ADAM10: variants seen among roughly 807,000 people sequenced by gnomAD.
The protein encoded by ADAM10 is disintegrin and metalloproteinase domain-containing protein 10.
In ADAM10, 17 loss-of-function variants were observed where a neutral mutation model predicts 90.1. The observed-to-expected ratio is 0.19, with a 90% confidence interval of 0.13 to 0.28. The LOEUF (loss-of-function observed/expected upper bound fraction) is 0.28, where lower values mean the gene tolerates loss of function less well. ADAM10 is among the 10% of genes least tolerant of loss of function. The pLI is 1.00. For missense variants in ADAM10, 610 were observed against 914.3 expected (o/e 0.67, Z 4.29); for synonymous variants, 310 against 298.6 (o/e 1.04, Z -0.40).
chr15:58,705,102 TTTGA>T (rs1352549478), intron 2 of ADAM10, among the ~76,000 whole-genome samples: 1 of 152,228 alleles, frequency 6.6e-6, no homozygotes, highest in Non-Finnish European at 1.5e-5. Flanking sequence ...AAAAACTCTC[TTTGA>T]TTTTTAATGC....
At chr15:58,698,519 T>G (rs1323323727) in intron 2 of ADAM10, 1 of 209,346 alleles carries the variant, frequency 4.8e-6, no homozygotes, top group Non-Finnish European at 9.6e-6. Flanking sequence ...GAGGTTGCAG[T>G]GAGCCAAGAT....
At position 58,591,666 on chromosome 15, in the gene ADAM10, TC is replaced by T. The variant is rs1410485634; in HGVS notation, c.*5880del. 17 of 152,306 alleles carry T rather than the reference TC, an allele frequency of 1.1e-4. No homozygotes were observed. Among genetic ancestry groups the T allele is most frequent in the Admixed American group, 9.8e-4 (15 of 15,300 alleles). 9.4% of individuals were successfully genotyped at this position (152,306 alleles called of 1,614,324 possible). A position where few individuals can be genotyped will look rare whatever the true frequency, so the allele number is the denominator to read the frequency against. ...TCACCCAGCTTCAATAATTATCAAC[TC>T]ACAGCCAATCTTGTTTCAACTATAT... is the stretch of plus-strand genomic sequence containing the variant. On this transcript the variant is annotated 3_prime_UTR_variant, in exon 16 of 16. Transcript: ENST00000260408.
intron 1 of ADAM10, among the ~76,000 whole-genome samples, chr15:58,739,050 C>T (rs1165259202): frequency 1.3e-5 from 2 of 152,076 alleles, no homozygotes; most frequent in African/African-American, 4.8e-5. Context: ...CGCCACTGCC[C>T]CTAGCTGAGA....
At chr15:58,601,956 T>A (rs1375599839) in intron 14 of ADAM10, among the ~76,000 whole-genome samples, 1 of 152,206 alleles carries the variant, frequency 6.6e-6, no homozygotes, top group African/African-American at 2.4e-5. Context: ...GTGATTTTTA[T>A]TTCATTACTG....
At chr15:58,691,977 G>A (rs1897825168) in intron 2 of ADAM10, 5 of 438,350 alleles carry the variant, frequency 1.1e-5, no homozygotes, top group South Asian at 6.6e-5. Context: ...TGCCCAGCCG[G>A]CATTTCTTAA....
intron 2 of ADAM10, among the ~76,000 whole-genome samples, chr15:58,717,312 T>G (rs1177290963): frequency 2.0e-5 from 3 of 152,222 alleles, no homozygotes; most frequent in Non-Finnish European, 4.4e-5. Context: ...ACACAGAATC[T>G]TCTTTAAAGA....
chr15:58,701,021 AC>A (rs377330156), intron 2 of ADAM10, among the ~76,000 whole-genome samples: 40,335 of 119,258 alleles, frequency 0.34, 8,493 homozygotes, highest in Non-Finnish European at 0.48. Context: ...AAACAAAAAA[AC>A]AAAAAAAAAA....
intron 2 of ADAM10, among the ~76,000 whole-genome samples, chr15:58,702,271 A>G (rs1898157503): frequency 6.6e-6 from 1 of 152,184 alleles, no homozygotes; most frequent in Non-Finnish European, 1.5e-5. Context: ...AGACAGCAGA[A>G]TGATAGATAC....
chr15:58,693,582 A>C (rs1378417155), intron 2 of ADAM10, among the ~76,000 whole-genome samples: 2 of 152,204 alleles, frequency 1.3e-5, no homozygotes, highest in East Asian at 3.8e-4. Flanking sequence ...AGAAAAATTA[A>C]ATTGAATTGC....
intron 1 of ADAM10, among the ~76,000 whole-genome samples, chr15:58,719,453 T>C (rs1318609935): frequency 4.6e-5 from 7 of 151,700 alleles, no homozygotes; most frequent in Non-Finnish European, 1.5e-5. Context: ...CTTTGACAAA[T>C]CAAGTAAAAT....
intron 2 of ADAM10, among the ~76,000 whole-genome samples, chr15:58,688,097 T>C (rs879617709): frequency 6.6e-6 from 1 of 152,232 alleles, no homozygotes; most frequent in African/African-American, 2.4e-5. Flanking sequence ...ATTGTACCAA[T>C]ATCAATCTTG....
Position 58,592,769 on chromosome 15 carries a change from ATATT to A in ADAM10, c.*4774_*4777del, listed in dbSNP as rs1894850640. 1 of 150,062 alleles carries A rather than the reference ATATT, an allele frequency of 6.7e-6. No individual in the cohort carries two copies. The highest frequency in any genetic ancestry group is 2.4e-5 in the African/African-American group (1 of 41,094). The allele number at this position is 150,062 out of a possible 1,614,324, so 9.3% of individuals were successfully genotyped here. The stretch of plus-strand genomic sequence containing the variant: ...TCTGATTTAATATATATATATATAT[ATATT>A]AAATCGTGGTAGTATAACTTGGTAC... On this transcript the variant is annotated 3_prime_UTR_variant, in exon 16 of 16. Coordinates refer to ENST00000260408, the MANE Select transcript of ADAM10 (RefSeq NM_001110.4).
chr15:58,604,072 C>T (rs765981226), intron 14 of ADAM10, among the ~76,000 whole-genome samples: 7 of 152,098 alleles, frequency 4.6e-5, no homozygotes, highest in Non-Finnish European at 5.9e-5. Flanking sequence ...TTCTTAAGAA[C>T]TTAGCTTGGC....
chr15:58,711,681 T>C (rs1898477003), intron 2 of ADAM10, among the ~76,000 whole-genome samples: 2 of 152,126 alleles, frequency 1.3e-5, no homozygotes, highest in East Asian at 3.8e-4. Context: ...ACAAGATGCC[T>C]ACCCCAAAGT....
At position 58,646,044 on chromosome 15, in the gene ADAM10, A is replaced by G. The variant is rs1365305771; in HGVS notation, c.735+11T>C. The stretch of plus-strand genomic sequence containing the variant: ...ATGGGAACTACTAAAATAGCGCATA[A>G]TCATAAATACCTGGGCAATCACAGC... On this transcript the variant is annotated intron_variant, in intron 6 of 15. Transcript: ENST00000260408. 1.2e-5 allele frequency: 19 copies of G among 1,613,058 alleles called. No individual in the cohort carries two copies. Among genetic ancestry groups the G allele is most frequent in the Non-Finnish European group, 1.5e-5 (18 of 1,179,520 alleles).
intron 14 of ADAM10, among the ~76,000 whole-genome samples, chr15:58,607,683 C>G (rs1320186878): frequency 6.6e-6 from 1 of 151,830 alleles, no homozygotes; most frequent in African/African-American, 2.4e-5. Flanking sequence ...GATAAATTAG[C>G]AATACAAAAA....
intron 1 of ADAM10, among the ~76,000 whole-genome samples, chr15:58,729,773 G>A (rs1039206049): frequency 1.3e-5 from 2 of 152,080 alleles, no homozygotes; most frequent in Admixed American, 1.3e-4. Context: ...AGACAGCCTG[G>A]CCAACATGGC....
intron 11 of ADAM10, among the ~76,000 whole-genome samples, chr15:58,614,781 A>G (rs1223242198): frequency 9.9e-5 from 15 of 152,226 alleles, no homozygotes; most frequent in Admixed American, 9.2e-4. Flanking sequence ...AATAATCACC[A>G]TTGTGAAAAC....
At chr15:58,627,360 T>C (rs1437094927) in intron 10 of ADAM10, among the ~76,000 whole-genome samples, 1 of 152,166 alleles carries the variant, frequency 6.6e-6, no homozygotes, top group Non-Finnish European at 1.5e-5. Flanking sequence ...GGTAAATGCA[T>C]CTGTCAAAAC....
Sources: allele counts gnomAD v4.1 joint callset (sites outside exome capture counted in the v4.1 genomes callset), GRCh38; gene constraint gnomAD v4.1.1; transcripts MANE v1.5; gene names NCBI Gene and HGNC (gene_info 2026-07-23, HGNC 2026-07-21).